The following BIN1 variants were observed in gnomAD, a reference collection of about 807,000 sequenced individuals.
BIN1 encodes the protein bridging integrator 1, also known as myc box-dependent-interacting protein 1.
In BIN1, 53 loss-of-function variants were observed where a neutral mutation model predicts 82.0. The ratio of observed to expected loss-of-function variants is 0.65; its 90% CI spans 0.52 to 0.81. The LOEUF (loss-of-function observed/expected upper bound fraction) is 0.81. Ranked by LOEUF, BIN1 falls within the 40% of genes least tolerant of loss-of-function variation. The pLI is 0.00. For synonymous variants in BIN1, 302 were observed against 328.0 expected, an observed-to-expected ratio of 0.92 and a Z score of 0.86; for missense variants, 642 against 784.4, an observed-to-expected ratio of 0.82 and a Z score of 2.17.
chr2:127,089,211 G>C (rs899584086), intron 1 of BIN1, among the ~76,000 whole-genome samples: 3 of 152,196 alleles, frequency 2.0e-5, no homozygotes, highest in Non-Finnish European at 4.4e-5. Context: ...TCGGTGAGGA[G>C]CTTTAACCAC....
chr2:127,060,655 G>A (rs755228512), intron 10 of BIN1: 139 of 1,613,970 alleles, frequency 8.6e-5, no homozygotes, highest in Non-Finnish European at 1.0e-4. Flanking sequence ...GGGGACGGAC[G>A]GGAGGTGGAG....
intron 1 of BIN1, among the ~76,000 whole-genome samples, chr2:127,088,784 GGA>G (rs1342386307): frequency 2.0e-5 from 3 of 151,974 alleles, no homozygotes; most frequent in Non-Finnish European, 2.9e-5. Flanking sequence ...GGGGGTGAGG[GGA>G]GAGGGCGGCT....
At chr2:127,075,125 C>T (rs1464105841) in intron 2 of BIN1, among the ~76,000 whole-genome samples, 1 of 152,226 alleles carries the variant, frequency 6.6e-6, no homozygotes, top group Non-Finnish European at 1.5e-5. Context: ...CCAAAGGCCA[C>T]AGAGCCTGGA....
At chr2:127,069,118 G>A (rs1210530531) in intron 5 of BIN1, 87 bp from the exon 6 acceptor site, 1 of 1,277,854 alleles carries the variant, frequency 7.8e-7, no homozygotes, top group East Asian at 2.4e-5. Flanking sequence ...GACCCGCAGG[G>A]CGGGCAGGAG....
At chr2:127,084,008 G>A (rs1392973832) in intron 1 of BIN1, among the ~76,000 whole-genome samples, 1 of 152,218 alleles carries the variant, frequency 6.6e-6, no homozygotes, top group Non-Finnish European at 1.5e-5. Context: ...GTCATCTGCA[G>A]GACAATCACG....
chr2:127,068,934 T>G lies in BIN1; in HGVS notation c.509A>C (p.Lys170Thr). ...GCCTCCAGCCCTTACCTTGGCAATT[T>G]TGGCTTCATCCTTCTTTTTGGCAGT... ...LQTAKKKDEA[K>T]IAKPVSLLEK... Residue 170 changes from lysine to threonine, a missense_variant, in exon 6 of 19, where the codon AAA becomes ACA. Physicochemically the swap from Lys to Thr is moderately conservative, Grantham distance 78. Transcript: ENST00000316724. The surrounding 1 kb of genome is among the most constrained non-coding windows in gnomAD (Gnocchi z 4.9). The G allele has an allele frequency of 1.2e-6, 2 of 1,614,134 alleles. No homozygotes were observed. The highest frequency in any genetic ancestry group is 1.7e-6 in the Non-Finnish European group (2 of 1,179,974).
At chr2:127,052,735 C>T (rs930223310) in intron 14 of BIN1, 30 of 306,504 alleles carry the variant, frequency 9.8e-5, no homozygotes, top group African/African-American at 5.4e-4. Flanking sequence ...CCTGCACACC[C>T]GCCTGCCCCT....
At chr2:127,063,404 C>T (rs1366017069) in intron 9 of BIN1, among the ~76,000 whole-genome samples, 167 bp downstream of exon 9, 1 of 152,162 alleles carries the variant, frequency 6.6e-6, no homozygotes, top group East Asian at 1.9e-4. Context: ...TGGGCCCAGG[C>T]ACTCCTGAAG....
rs1414133647 is a variant in BIN1, at chr2:127,068,678, C to T, written c.519+246G>A. On this transcript the variant is annotated intron_variant, in intron 6 of 18. Coordinates refer to ENST00000316724, the MANE Select transcript of BIN1 (RefSeq NM_139343.3). This position sits in a 1 kb window ranked among gnomAD's most constrained non-coding sequence, Gnocchi z 4.9. Reference sequence around the variant, plus strand: ...GAAACCCAGGAGGCCCATTCTCAGGCTGGCAGGTGGCCTGGATCAGGGCTG... The same window carrying T: ...GAAACCCAGGAGGCCCATTCTCAGGTTGGCAGGTGGCCTGGATCAGGGCTG... Among the ~76,000 whole-genome samples, 1 of 152,164 alleles carries T rather than the reference C, an allele frequency of 6.6e-6. No individual in the cohort carries two copies. The highest frequency in any genetic ancestry group is 2.4e-5 in the African/African-American group (1 of 41,444).
chr2:127,092,792 A>G (rs1679102718), intron 1 of BIN1, among the ~76,000 whole-genome samples: 1 of 152,176 alleles, frequency 6.6e-6, no homozygotes, highest in Non-Finnish European at 1.5e-5. Context: ...GCACTTGGGA[A>G]GGGGAGGCAG....
chr2:127,101,897 G>A (rs1558890723), intron 1 of BIN1, among the ~76,000 whole-genome samples: 1 of 152,132 alleles, frequency 6.6e-6, no homozygotes, highest in Non-Finnish European at 1.5e-5. Context: ...GCTGTCTATA[G>A]AGGCCTGTAA....
chr2:127,072,572 G>A (rs892959350), intron 2 of BIN1, among the ~76,000 whole-genome samples: 2 of 152,112 alleles, frequency 1.3e-5, no homozygotes, highest in Admixed American at 1.3e-4. Context: ...ATCCACAGGG[G>A]GAGCTTCAGA....
chr2:127,105,146 T>C (rs1468497251), intron 1 of BIN1, among the ~76,000 whole-genome samples: 1 of 151,832 alleles, frequency 6.6e-6, no homozygotes, highest in Non-Finnish European at 1.5e-5. Flanking sequence ...GCCCCGAGAA[T>C]GACATCAAAG....
intron 1 of BIN1, 97 bp downstream of exon 1, chr2:127,106,763 G>C (rs1411191344): frequency 1.4e-6 from 2 of 1,440,602 alleles, no homozygotes; most frequent in Non-Finnish European, 1.9e-6. Context: ...AGATCCTGGC[G>C]AAGGACCAGG....
chr2:127,104,509 C>G (rs1680775390), intron 1 of BIN1, among the ~76,000 whole-genome samples: 2 of 152,174 alleles, frequency 1.3e-5, no homozygotes, highest in African/African-American at 2.4e-5. Flanking sequence ...GACGCCAGGA[C>G]TCTCCCAGCC....
intron 1 of BIN1, among the ~76,000 whole-genome samples, chr2:127,099,567 G>A (rs545276930): frequency 2.6e-5 from 4 of 152,332 alleles, no homozygotes; most frequent in East Asian, 3.9e-4. Flanking sequence ...AGGCTGGAGT[G>A]CAGTGACACG....
At chr2:127,077,525 C>G (rs1686775432) in intron 1 of BIN1, among the ~76,000 whole-genome samples, 1 of 151,712 alleles carries the variant, frequency 6.6e-6, no homozygotes, top group Non-Finnish European at 1.5e-5. Context: ...TGGCCAGGAC[C>G]CTGAGAACAT....
intron 1 of BIN1, among the ~76,000 whole-genome samples, chr2:127,102,460 C>A (rs373465866): frequency 4.6e-5 from 7 of 152,232 alleles, no homozygotes; most frequent in South Asian, 4.1e-4. Context: ...CACCCAGGCA[C>A]CCCTTCTCTT....
intron 1 of BIN1, among the ~76,000 whole-genome samples, chr2:127,078,090 C>A (rs60874665): frequency 6.6e-6 from 1 of 152,146 alleles, no homozygotes; most frequent in Non-Finnish European, 1.5e-5. Flanking sequence ...GCCCAGGCCA[C>A]GGTCCTGGAC....
Sources: allele counts gnomAD v4.1 joint callset (sites outside exome capture counted in the v4.1 genomes callset), GRCh38; gene constraint gnomAD v4.1.1; non-coding constraint Gnocchi (gnomAD v3.1); transcripts MANE v1.5; gene names NCBI Gene and HGNC (gene_info 2026-07-23, HGNC 2026-07-21).